Variants in ICMT observed in about 807,000 individuals in gnomAD.
ICMT encodes isoprenylcysteine carboxyl methyltransferase.
A neutral mutation model predicts 32.2 loss-of-function variants in ICMT; 10 were observed. The observed-to-expected ratio is 0.31, with a 90% CI of 0.19 to 0.53. ICMT has a LOEUF of 0.53. ICMT is among the 20% of genes least tolerant of loss of function. ICMT has a pLI of 0.96. For synonymous variants in ICMT, 183 were observed against 158.2 expected (o/e 1.16, Z -1.18); for missense variants, 265 against 356.9 (o/e 0.74, Z 2.07).
At chr1:6,233,861 T>G (rs1668774174) in intron 2 of ICMT, among the ~76,000 whole-genome samples, 1 of 152,176 alleles carries the variant, frequency 6.6e-6, no homozygotes, top group African/African-American at 2.4e-5. Context: ...TTGTTTTGTT[T>G]TGTTTGAGAC....
chr1:6,235,940 G>GACGCCGGCTGTAGCCCGGAGAAAC lies in ICMT; in HGVS notation c.-30_-29insGTTTCTCCGGGCTACAGCCGGCGT, dbSNP rs1668822237. The GACGCCGGCTGTAGCCCGGAGAAAC allele has an allele frequency of 1.9e-6, 2 of 1,025,754 alleles. No individual in the cohort carries two copies. The highest frequency in any genetic ancestry group is 2.2e-5 in the African/African-American group (1 of 46,272). 63.5% of individuals were successfully genotyped at this position (1,025,754 alleles called of 1,614,324 possible). Reference sequence around the variant, plus strand: ...GCCGGGCGGCGGACTAGCGGGCGGCGGCGCCGGCTGTAGCCCGGAGAAACG... The same window carrying GACGCCGGCTGTAGCCCGGAGAAAC: ...GCCGGGCGGCGGACTAGCGGGCGGCGACGCCGGCTGTAGCCCGGAGAAACGCGCCGGCTGTAGCCCGGAGAAACG... On this transcript the variant is annotated 5_prime_UTR_variant, in exon 1 of 5. Transcript: ENST00000343813.
chr1:6,225,258 A>T lies in ICMT; in HGVS notation c.677T>A (p.Met226Lys). The change falls in exon 5 of 5, where the codon ATG (methionine) becomes AAG (lysine). Residue 226 changes from methionine (M) to lysine (K), a missense_variant. Transcript: ENST00000343813. ...GACGCCGCAGATGGGGTTACACAGC[A>T]TCACCTAACAGAGGGAGACACCAGG... ...WFYWSIGTQV[M>K]LCNPICGVSY... 1.9e-6 allele frequency: 3 copies of T among 1,612,616 alleles called. No homozygotes were observed. Among genetic ancestry groups the T allele is most frequent in the Non-Finnish European group, 2.5e-6 (3 of 1,179,526 alleles).
chr1:6,231,066 G>C (rs1312474850), intron 4 of ICMT, among the ~76,000 whole-genome samples: 2 of 151,838 alleles, frequency 1.3e-5, no homozygotes, highest in Admixed American at 1.3e-4. Flanking sequence ...AGTCAGGCAT[G>C]GTGGTTCGTG....
chr1:6,230,467 T>G (rs1668715856), intron 4 of ICMT, among the ~76,000 whole-genome samples: 1 of 151,776 alleles, frequency 6.6e-6, no homozygotes, highest in South Asian at 2.1e-4. Flanking sequence ...CTGTAATGTA[T>G]TCCAGCTACT....
chr1:6,228,435 C>T (rs1327270123), intron 4 of ICMT, among the ~76,000 whole-genome samples: 2 of 151,348 alleles, frequency 1.3e-5, no homozygotes, highest in African/African-American at 4.9e-5. Context: ...CTCCGCCTCC[C>T]GGGTTCACGC....
At chr1:6,235,660 C>A in intron 1 of ICMT, 57 bp downstream of exon 1, 1 of 1,094,082 alleles carries the variant, frequency 9.1e-7, no homozygotes, top group East Asian at 4.8e-5. Flanking sequence ...CCACGCGCCG[C>A]GCCAAGCGGA....
In ICMT at chr1:6,233,560, G is replaced by A. The variant is rs1345292713; in HGVS notation, c.368C>T (p.Ser123Phe). 6.2e-7 allele frequency: 1 copy of A among 1,613,906 alleles called. No homozygotes were observed. Among genetic ancestry groups the A allele is most frequent in the Non-Finnish European group, 8.5e-7 (1 of 1,179,896 alleles). ...VNNPKSLSLD[S>F]FLLNHSLEYT... Reference sequence around the variant, plus strand: ...CTCCAGGCTGTGATTCAGGAGAAAGGAATCCAAGGACAGACTTTTGGGATT... The same window carrying A: ...CTCCAGGCTGTGATTCAGGAGAAAGAAATCCAAGGACAGACTTTTGGGATT... The change falls in exon 3 of 5, where the codon TCC (serine) becomes TTC (phenylalanine). Residue 123 changes from serine (S) to phenylalanine (F), a missense_variant. Ser to Phe is a radical substitution (Grantham distance 155). Transcript: ENST00000343813.
intron 1 of ICMT, 30 bp downstream of exon 1, chr1:6,235,687 C>T: frequency 8.7e-7 from 1 of 1,154,562 alleles, no homozygotes; most frequent in Non-Finnish European, 1.1e-6. Context: ...CCCGCCCCGC[C>T]GGCCCCCGCC....
At position 6,234,192 on chromosome 1, in the gene ICMT, G is replaced by A. The variant is rs954498799; in HGVS notation, c.285-549C>T. Among the ~76,000 whole-genome samples the A allele has an allele frequency of 5.9e-5, 9 of 152,250 alleles. No homozygotes were observed. In the South Asian group the frequency reaches 1.9e-3, roughly 32 times the overall value. The stretch of plus-strand genomic sequence containing the variant: ...GCCCGGCAAGGGACTGTTTTTGAAT[G>A]TCACAGGCAAAACAAACCCATAGGT... On this transcript the variant is annotated intron_variant, in intron 2 of 4. Transcript: ENST00000343813.
At chr1:6,235,524 T>C (rs558879899) in intron 1 of ICMT, among the ~76,000 whole-genome samples, 193 bp downstream of exon 1, 3 of 152,174 alleles carry the variant, frequency 2.0e-5, no homozygotes, top group Admixed American at 6.5e-5. Context: ...AAGCTGCAAT[T>C]TAACAACCCA....
At chr1:6,232,244 A>T in intron 3 of ICMT, 125 bp from the exon 4 acceptor site, 1 of 638,830 alleles carries the variant, frequency 1.6e-6, no homozygotes, top group Non-Finnish European at 2.7e-6. Context: ...CTGGGCAATC[A>T]GCATTTGTCA....
intron 4 of ICMT, among the ~76,000 whole-genome samples, chr1:6,230,305 G>A (rs1416239205): frequency 6.6e-6 from 1 of 152,110 alleles, no homozygotes; most frequent in Non-Finnish European, 1.5e-5. Context: ...AATAGAGATG[G>A]GGTTTTGCCA....
In ICMT at chr1:6,225,580, T is replaced by C. The variant is rs143209868; in HGVS notation, c.673-318A>G. 1.5e-3 allele frequency among the ~76,000 whole-genome samples: 232 copies of C among 152,076 alleles called. 1 individual carries two copies. The highest frequency in any genetic ancestry group is 5.4e-3 in the African/African-American group (223 of 41,526). ...GTGAGCTCCCCAACATGAGGTCCCA[T>C]GCACGCTGCCTTCCTGCCCAGGACC... On this transcript the variant is annotated intron_variant, in intron 4 of 4. Transcript: ENST00000343813.
chr1:6,232,861 CT>C (rs59948131), intron 3 of ICMT, among the ~76,000 whole-genome samples: 6,832 of 140,054 alleles, frequency 0.049, 207 homozygotes, highest in Non-Finnish European at 0.069. Context: ...TTAGTAAACT[CT>C]TTTTTTTTTT....
rs1261488574 is a variant in ICMT at position 6,235,921 on chromosome 1, C to A, written c.-10G>T. 3 of 1,110,678 alleles carry A rather than the reference C, an allele frequency of 2.7e-6. No homozygotes were observed. The highest frequency in any genetic ancestry group is 7.7e-4 in the Middle Eastern group (2 of 2,584). The allele number at this position is 1,110,678 out of a possible 1,614,324, so 68.8% of individuals were successfully genotyped here. ...CCGCGCAGCCCGCCATGGCGCCGGG[C>A]GGCGGACTAGCGGGCGGCGGCGCCG... On this transcript the variant is annotated 5_prime_UTR_variant, in exon 1 of 5. Coordinates refer to ENST00000343813, the MANE Select transcript of ICMT (RefSeq NM_012405.4).
In ICMT at chr1:6,222,945, T is replaced by C. The variant is rs1031424466; in HGVS notation, c.*2135A>G. On this transcript the variant is annotated 3_prime_UTR_variant, in exon 5 of 5. Coordinates refer to ENST00000343813, the MANE Select transcript of ICMT (RefSeq NM_012405.4). The stretch of plus-strand genomic sequence containing the variant: ...GTGGTCTAAAGGACAAGTTTAGAAA[T>C]GATTCAACTCAAGTTCCTAAACAGA... 2 of 152,236 alleles carry C rather than the reference T, an allele frequency of 1.3e-5. No individual in the cohort carries two copies. The highest frequency in any genetic ancestry group is 2.9e-5 in the Non-Finnish European group (2 of 68,050). The allele number at this position is 152,236 out of a possible 1,614,324, so 9.4% of individuals were successfully genotyped here. A position where few individuals can be genotyped will look rare whatever the true frequency, so the allele number is the denominator to read the frequency against.
At chr1:6,235,471 C>A (rs934827504) in intron 1 of ICMT, among the ~76,000 whole-genome samples, 4 of 152,152 alleles carry the variant, frequency 2.6e-5, no homozygotes, top group African/African-American at 9.7e-5. Context: ...AAAGCACTCG[C>A]GGGCTCGCTC....
intron 4 of ICMT, among the ~76,000 whole-genome samples, chr1:6,225,615 C>A (rs1196952902): frequency 6.6e-6 from 1 of 152,160 alleles, no homozygotes; most frequent in East Asian, 1.9e-4. Context: ...CCTCCCACCA[C>A]AAATGCATTC....
At chr1:6,231,030 G>A (rs1156248942) in intron 4 of ICMT, among the ~76,000 whole-genome samples, 1 of 151,736 alleles carries the variant, frequency 6.6e-6, no homozygotes, top group African/African-American at 2.4e-5. Flanking sequence ...GAGAAACCCT[G>A]TCTCTACAAA....
Sources: allele counts gnomAD v4.1 joint callset (sites outside exome capture counted in the v4.1 genomes callset), GRCh38; gene constraint gnomAD v4.1.1; transcripts MANE v1.5; gene names NCBI Gene and HGNC (gene_info 2026-07-23, HGNC 2026-07-21).